The following ACOXL variants were observed in gnomAD, a reference collection of about 807,000 sequenced individuals.
The protein encoded by ACOXL is acyl-CoA oxidase like, also known as acyl-coenzyme A oxidase-like protein.
A neutral mutation model predicts 71.9 loss-of-function variants in ACOXL; 70 were observed. The ratio of observed to expected loss-of-function variants is 0.97; its 90% CI spans 0.80 to 1.19. The LOEUF (loss-of-function observed/expected upper bound fraction) is 1.19. ACOXL is among the 50% of genes most tolerant of loss of function. The probability of loss-of-function intolerance (pLI) is 0.00; values close to 1 mark genes in which losing one functional copy is unlikely to be tolerated. For synonymous variants in ACOXL, 253 were observed against 281.6 expected (o/e 0.90, Z 1.02); for missense variants, 703 against 736.3 (o/e 0.95, Z 0.52).
intron 10 of ACOXL, among the ~76,000 whole-genome samples, chr2:110,866,486 G>A (rs1005663215): frequency 6.6e-6 from 1 of 152,150 alleles, no homozygotes; most frequent in Non-Finnish European, 1.5e-5. Flanking sequence ...GGTGGGCCAA[G>A]CAAGGCAACG....
chr2:110,873,905 T>C (rs959664736), intron 10 of ACOXL, among the ~76,000 whole-genome samples: 1 of 152,150 alleles, frequency 6.6e-6, no homozygotes, highest in African/African-American at 2.4e-5. Flanking sequence ...CTCACCAGTG[T>C]ATGAGGCTGA....
chr2:110,798,926 T>G, intron 6 of ACOXL, 88 bp from the exon 7 acceptor site: 3 of 1,386,100 alleles, frequency 2.2e-6, no homozygotes. Flanking sequence ...TGAATGAGTT[T>G]GAGGATCACA....
Position 110,888,745 on chromosome 2 carries a change from A to G in ACOXL, c.789-20044A>G, listed in dbSNP as rs139687031. 1.8e-3 allele frequency among the ~76,000 whole-genome samples: 280 copies of G among 152,318 alleles called. 2 individuals carry two copies. The highest frequency in any genetic ancestry group is 6.3e-3 in the African/African-American group (262 of 41,570). On this transcript the variant is annotated intron_variant, in intron 10 of 17. Transcript: ENST00000439055. Reference sequence around the variant, plus strand: ...CTAAAGTCATGGCTACGCCTGGAGGACAGGGAGGAAAAGCAAAGATCTCAT... The same window carrying G: ...CTAAAGTCATGGCTACGCCTGGAGGGCAGGGAGGAAAAGCAAAGATCTCAT...
intron 7 of ACOXL, among the ~76,000 whole-genome samples, chr2:110,799,832 C>T (rs1685737439): frequency 6.6e-6 from 1 of 152,162 alleles, no homozygotes; most frequent in African/African-American, 2.4e-5. Flanking sequence ...CCAATCAGTG[C>T]TGTGTAACTA....
chr2:110,844,939 T>G (rs756501660), intron 10 of ACOXL, among the ~76,000 whole-genome samples: 1 of 152,306 alleles, frequency 6.6e-6, no homozygotes, highest in African/African-American at 2.4e-5. Flanking sequence ...AGGTTTCTGG[T>G]TGAGTTCCCT....
intron 14 of ACOXL, among the ~76,000 whole-genome samples, chr2:111,015,565 T>A (rs923672436): frequency 2.6e-5 from 4 of 152,216 alleles, no homozygotes; most frequent in East Asian, 3.8e-4. Context: ...TGGCAGTTTC[T>A]TATAAGGTTA....
At chr2:110,756,148 G>A (rs984592096) in intron 1 of ACOXL, among the ~76,000 whole-genome samples, 5 of 151,576 alleles carry the variant, frequency 3.3e-5, no homozygotes, top group African/African-American at 1.2e-4. Flanking sequence ...TTTTTCTGAA[G>A]CAGAGTCTTG....
chr2:111,006,849 G>A (rs1481356917), intron 14 of ACOXL, among the ~76,000 whole-genome samples: 6 of 152,032 alleles, frequency 3.9e-5, no homozygotes, highest in African/African-American at 9.7e-5. Context: ...ATGAGCCACC[G>A]CACCCGGCTG....
At chr2:111,014,875 G>T (rs1224539890) in intron 14 of ACOXL, among the ~76,000 whole-genome samples, 1 of 152,150 alleles carries the variant, frequency 6.6e-6, no homozygotes, top group Non-Finnish European at 1.5e-5. Context: ...ATGATGAAAA[G>T]AATTTTTTAA....
chr2:110,946,292 C>T (rs183855193), intron 12 of ACOXL, among the ~76,000 whole-genome samples: 15 of 152,240 alleles, frequency 9.9e-5, no homozygotes, highest in Middle Eastern at 3.4e-3. Flanking sequence ...GTAGATCCTA[C>T]GAGGTTTTAT....
intron 12 of ACOXL, among the ~76,000 whole-genome samples, chr2:110,965,003 G>A (rs569785520): frequency 6.6e-6 from 1 of 151,956 alleles, no homozygotes; most frequent in Non-Finnish European, 1.5e-5. Flanking sequence ...CCAGCCTCTG[G>A]TATCTATCAT....
At chr2:110,921,395 C>G (rs928147963) in intron 11 of ACOXL, among the ~76,000 whole-genome samples, 1 of 125,958 alleles carries the variant, frequency 7.9e-6, no homozygotes, top group Admixed American at 7.9e-5. Context: ...TCCACCCCCC[C>G]CCCCCTTTTT....
chr2:111,043,492 G>A (rs1419844511), intron 15 of ACOXL, among the ~76,000 whole-genome samples: 1 of 152,156 alleles, frequency 6.6e-6, no homozygotes, highest in East Asian at 1.9e-4. Flanking sequence ...AGCTGAGAGC[G>A]CCGCAGTCAC....
At chr2:110,781,015 G>A (rs1683249835) in intron 2 of ACOXL, among the ~76,000 whole-genome samples, 1 of 152,122 alleles carries the variant, frequency 6.6e-6, no homozygotes, top group South Asian at 2.1e-4. Flanking sequence ...CAGCTATGAA[G>A]CAAGACTCCA....
rs1252308655 is a variant in ACOXL, at chr2:110,966,568, C to G, written c.1060-20540C>G. Among the ~76,000 whole-genome samples, 5 of 152,354 alleles carry G rather than the reference C, an allele frequency of 3.3e-5. No homozygotes were observed. In the South Asian group the frequency reaches 8.3e-4, roughly 25 times the overall value. ...ACTTTGACCTCTTCCCTCCCTGCCC[C>G]CTAAACCCCTAAAGGGGATTTAGTG... On this transcript the variant is annotated intron_variant, in intron 12 of 17. Coordinates refer to ENST00000439055, the MANE Select transcript of ACOXL (RefSeq NM_001142807.4).
At chr2:111,026,436 G>C (rs1047747834) in intron 14 of ACOXL, among the ~76,000 whole-genome samples, 3 of 151,302 alleles carry the variant, frequency 2.0e-5, no homozygotes, top group Non-Finnish European at 2.9e-5. Context: ...GTTTTTTTAA[G>C]TGGTCTTTTA....
intron 16 of ACOXL, among the ~76,000 whole-genome samples, chr2:111,067,874 T>C (rs979749403): frequency 6.6e-6 from 1 of 152,122 alleles, no homozygotes; most frequent in African/African-American, 2.4e-5. Context: ...TCTCTGTGAA[T>C]TGGGAGTGCG....
intron 1 of ACOXL, among the ~76,000 whole-genome samples, chr2:110,738,920 T>A (rs1056119637): frequency 6.6e-6 from 1 of 152,224 alleles, no homozygotes; most frequent in Non-Finnish European, 1.5e-5. Flanking sequence ...TTTTTAAATA[T>A]CTGCTGTCAT....
At chr2:110,909,112 T>A (rs966085772) in intron 11 of ACOXL, among the ~76,000 whole-genome samples, 2 of 152,240 alleles carry the variant, frequency 1.3e-5, no homozygotes, top group Non-Finnish European at 2.9e-5. Context: ...TTTTAAAGGA[T>A]GCCAAGGTCC....
Sources: allele counts gnomAD v4.1 joint callset (sites outside exome capture counted in the v4.1 genomes callset), GRCh38; gene constraint gnomAD v4.1.1; transcripts MANE v1.5; gene names NCBI Gene and HGNC (gene_info 2026-07-23, HGNC 2026-07-21).